Variants in TPRG1 observed in about 807,000 individuals in gnomAD.
TPRG1 encodes the protein tumor protein p63 regulated 1.
A neutral mutation model predicts 29.3 loss-of-function variants in TPRG1; 29 were observed. The observed-to-expected ratio is 0.99, with a 90% confidence interval of 0.74 to 1.35. The LOEUF is 1.35. Ranked by LOEUF, TPRG1 falls within the 40% of genes most tolerant of loss-of-function variation. The pLI is 0.00. For missense variants in TPRG1, 327 were observed against 335.0 expected (o/e 0.98, Z 0.19); for synonymous variants, 130 against 116.8 (o/e 1.11, Z -0.73).
chr3:189,228,357 T>C (rs2108893153), intron 3 of TPRG1, among the ~76,000 whole-genome samples: 1 of 141,410 alleles, frequency 7.1e-6, no homozygotes, highest in Non-Finnish European at 1.5e-5. Context: ...TAACTGTAGA[T>C]GCAAAAATTC....
chr3:189,006,195 C>T (rs547117958), intron 3 of TPRG1, among the ~76,000 whole-genome samples: 1 of 152,196 alleles, frequency 6.6e-6, no homozygotes, highest in South Asian at 2.1e-4. Flanking sequence ...TCTTGCAGTA[C>T]AGGGGCTGGG....
chr3:189,259,730 A>G (rs1712658198), intron 4 of TPRG1, among the ~76,000 whole-genome samples: 1 of 152,074 alleles, frequency 6.6e-6, no homozygotes, highest in South Asian at 2.1e-4. Flanking sequence ...TGGGCCTCCC[A>G]GACTGCTGGG....
At chr3:189,262,658 C>T (rs1008344432) in intron 4 of TPRG1, among the ~76,000 whole-genome samples, 4 of 152,174 alleles carry the variant, frequency 2.6e-5, no homozygotes, top group Non-Finnish European at 5.9e-5. Context: ...TTATCAATTG[C>T]TATGTTTCAA....
At chr3:189,117,553 C>T (rs1721324375) in intron 1 of TPRG1, among the ~76,000 whole-genome samples, 2 of 152,290 alleles carry the variant, frequency 1.3e-5, no homozygotes, top group South Asian at 4.1e-4. Context: ...TTTGCTGTGT[C>T]CTCACCCAAA....
rs1018815561 is a variant in TPRG1, at chr3:189,287,460, C to T, written c.480-22926C>T. Among the ~76,000 whole-genome samples, 12 of 151,232 alleles carry T rather than the reference C, an allele frequency of 7.9e-5. No homozygotes were observed. The East Asian group carries it at 1.6e-3, about 20-fold the overall frequency. ...TTGCCCAGGCTGGAGTGCAGTGGCA[C>T]GATCTCGGCTCACTGCAAGCTCCGC... On this transcript the variant is annotated intron_variant, in intron 4 of 5. Coordinates refer to ENST00000345063, the MANE Select transcript of TPRG1 (RefSeq NM_198485.4).
At chr3:189,301,768 C>T (rs1193889612) in intron 4 of TPRG1, among the ~76,000 whole-genome samples, 2 of 152,180 alleles carry the variant, frequency 1.3e-5, no homozygotes, top group Non-Finnish European at 2.9e-5. Flanking sequence ...ACACACTATG[C>T]CTCTTCGTTC....
chr3:189,071,067 G>GAAAAAAAAAAAA (rs74731300), intron 4 of TPRG1, among the ~76,000 whole-genome samples: 1 of 76,162 alleles, frequency 1.3e-5, no homozygotes. Context: ...CAAAGAAAAA[G>GAAAAAAAAAAAA]AAAAAAAAAA....
At chr3:189,139,711 A>T (rs1724281745) in intron 3 of TPRG1, among the ~76,000 whole-genome samples, 1 of 145,676 alleles carries the variant, frequency 6.9e-6, no homozygotes, top group Non-Finnish European at 1.5e-5. Flanking sequence ...GTACTCCCCC[A>T]CATCTCGCTA....
rs541311541 is a variant in TPRG1, at chr3:189,222,807, A to T, written c.302+7424A>T. Among the ~76,000 whole-genome samples the T allele has an allele frequency of 2.2e-3, 332 of 152,266 alleles. 1 individual carries two copies. The highest frequency in any genetic ancestry group is 3.6e-3 in the Non-Finnish European group (244 of 68,024). On this transcript the variant is annotated intron_variant, in intron 3 of 5. Coordinates refer to ENST00000345063, the MANE Select transcript of TPRG1 (RefSeq NM_198485.4). ...ATTATGAGCCTTTACAAATTCTATC[A>T]GTCAAATTGAACTGCCTGCTGTTTC...
intron 3 of TPRG1, among the ~76,000 whole-genome samples, chr3:189,132,962 G>C (rs940308223): frequency 1.3e-5 from 2 of 152,088 alleles, no homozygotes; most frequent in African/African-American, 4.8e-5. Context: ...ATGAGGAAGC[G>C]GGGCCAGTAC....
chr3:189,283,070 A>G (rs1159017740), intron 4 of TPRG1, among the ~76,000 whole-genome samples: 1 of 152,200 alleles, frequency 6.6e-6, no homozygotes. Context: ...TAAAAAGGAA[A>G]CTTTAAATCA....
intron 4 of TPRG1, among the ~76,000 whole-genome samples, chr3:189,047,138 A>G (rs1449711225): frequency 6.6e-6 from 1 of 152,200 alleles, no homozygotes; most frequent in African/African-American, 2.4e-5. Flanking sequence ...GATATATCAT[A>G]TATATTACCA....
chr3:189,320,367 C>T (rs1560701062), intron 5 of TPRG1, among the ~76,000 whole-genome samples: 1 of 151,946 alleles, frequency 6.6e-6, no homozygotes, highest in Non-Finnish European at 1.5e-5. Context: ...GGATGATAAA[C>T]AAACTGAAAA....
intron 4 of TPRG1, among the ~76,000 whole-genome samples, chr3:189,150,372 G>A (rs1465654611): frequency 3.3e-5 from 5 of 152,096 alleles, no homozygotes; most frequent in East Asian, 1.9e-4. Context: ...TAGTAGAGGC[G>A]GGGTTTTACC....
Position 189,175,264 on chromosome 3 carries a change from G to A in TPRG1, c.-10+3133G>A, listed in dbSNP as rs565977491. On this transcript the variant is annotated intron_variant, in intron 1 of 5. Transcript: ENST00000345063. ...TAATTGTAAGGATGAAATGGCACTC[G>A]AACTGGGCTTTGGCTCAATAGACGT... Among the ~76,000 whole-genome samples, 10 of 151,758 alleles carry A rather than the reference G, an allele frequency of 6.6e-5. No individual in the cohort carries two copies. In the South Asian group the frequency reaches 1.0e-3, roughly 16 times the overall value.
chr3:189,324,265 T>C lies in TPRG1; in HGVS notation c.*3445T>C, dbSNP rs1307637632. On this transcript the variant is annotated 3_prime_UTR_variant, in exon 6 of 6. Coordinates refer to ENST00000345063, the MANE Select transcript of TPRG1 (RefSeq NM_198485.4). ...TTCAGTGCTTTTATTTCACAGAAAATGAAGCAAAGGCCTAGAAACTAGAAA... is the reference window on the plus strand; with the variant it reads ...TTCAGTGCTTTTATTTCACAGAAAACGAAGCAAAGGCCTAGAAACTAGAAA... 1 of 152,016 alleles carries C rather than the reference T, an allele frequency of 6.6e-6. No homozygotes were observed. The allele number at this position is 152,016 out of a possible 1,614,324, so 9.4% of individuals were successfully genotyped here.
rs1717312554 is a variant in TPRG1 at position 189,078,063 on chromosome 3, TCTCTC to T, written c.-462-48991_-462-48987del. On this transcript the variant is annotated intron_variant, in intron 4 of 10. Coordinates refer to the TPRG1 transcript ENST00000433971. Reference sequence around the variant, plus strand: ...TCCTTCCTTCCTTCCTTCCTTCCTTTCTCTCCTTTCTCTCTTTCTCTCTTTCTCTC... The same window carrying T: ...TCCTTCCTTCCTTCCTTCCTTCCTTTCTTTCTCTCTTTCTCTCTTTCTCTC... Among the ~76,000 whole-genome samples the T allele has an allele frequency of 5.9e-5, 6 of 101,200 alleles. No individual in the cohort carries two copies. In the Admixed American group the frequency reaches 5.9e-4, roughly 10 times the overall value. 66.4% of individuals were successfully genotyped at this position (101,200 alleles called of 152,430 possible). A position where few individuals can be genotyped will look rare whatever the true frequency, so the allele number is the denominator to read the frequency against.
At chr3:189,092,355 T>G (rs1478714938) in intron 4 of TPRG1, among the ~76,000 whole-genome samples, 2 of 152,152 alleles carry the variant, frequency 1.3e-5, no homozygotes, top group African/African-American at 4.8e-5. Flanking sequence ...GACCACACTT[T>G]AAGTATCAAG....
intron 4 of TPRG1, among the ~76,000 whole-genome samples, chr3:189,268,717 T>C (rs1011682329): frequency 6.6e-6 from 1 of 152,228 alleles, no homozygotes; most frequent in Non-Finnish European, 1.5e-5. Context: ...TCCTAGTCTT[T>C]AGCGTCGTAA....
Sources: gnomAD v4.1 joint callset for allele counts (sites outside exome capture counted in the v4.1 genomes callset) on GRCh38, gnomAD v4.1.1 for gene constraint, MANE v1.5 for transcripts, NCBI Gene and HGNC (gene_info 2026-07-23, HGNC 2026-07-21) for gene names.